Variants in NIPSNAP3A observed in about 807,000 individuals in gnomAD.
The protein encoded by NIPSNAP3A is nipsnap homolog 3A, also known as protein NipSnap homolog 3A.
A neutral mutation model predicts 32.3 loss-of-function variants in NIPSNAP3A; 27 were observed. The observed-to-expected ratio is 0.84, with a 90% CI of 0.62 to 1.15. The LOEUF is 1.15. Among genes scored for constraint, NIPSNAP3A ranks in the 50% most tolerant of loss-of-function variants. The pLI is 0.00. For synonymous variants in NIPSNAP3A, 108 were observed against 107.3 expected (o/e 1.01, Z -0.04); for missense variants, 278 against 297.2 (o/e 0.94, Z 0.48).
In NIPSNAP3A at chr9:104,748,099, A is replaced by C. The variant is rs373162936; in HGVS notation, c.60+247A>C. 1.1e-4 allele frequency among the ~76,000 whole-genome samples: 16 copies of C among 151,818 alleles called. No homozygotes were observed. The East Asian group carries it at 1.8e-3, about 17-fold the overall frequency. Reference sequence around the variant, plus strand: ...GGTCGTCTCGCGGGCAGTGGTGGTCAGAAGGCTTTTCTAGCCTGGATGCCA... The same window carrying C: ...GGTCGTCTCGCGGGCAGTGGTGGTCCGAAGGCTTTTCTAGCCTGGATGCCA... On this transcript the variant is annotated intron_variant, in intron 1 of 5. Transcript: ENST00000374767.
intron 4 of NIPSNAP3A, among the ~76,000 whole-genome samples, chr9:104,757,267 AT>A (rs1827917456): frequency 6.6e-6 from 1 of 152,170 alleles, no homozygotes; most frequent in African/African-American, 2.4e-5. Context: ...ATGTAAGTAC[AT>A]ATATATAAGA....
At chr9:104,747,909 G>A (rs1827795549) in intron 1 of NIPSNAP3A, 57 bp downstream of exon 1, 2 of 1,042,468 alleles carry the variant, frequency 1.9e-6, no homozygotes, top group Admixed American at 2.4e-5. Flanking sequence ...GGGCGGGGCG[G>A]GGAGTGTTCC....
chr9:104,749,794 A>G (rs1036792917), intron 1 of NIPSNAP3A, among the ~76,000 whole-genome samples: 2 of 152,224 alleles, frequency 1.3e-5, no homozygotes, highest in African/African-American at 4.8e-5. Context: ...CAGTGCGTGT[A>G]TGACTATTAC....
At chr9:104,750,892 G>C in intron 1 of NIPSNAP3A, 64 bp from the exon 2 acceptor site, 1 of 1,312,322 alleles carries the variant, frequency 7.6e-7, no homozygotes, top group Non-Finnish European at 1.1e-6. Flanking sequence ...TTCAGATTAG[G>C]TTTTAACACA....
At chr9:104,756,020 T>G (rs1198141331) in intron 4 of NIPSNAP3A, among the ~76,000 whole-genome samples, 4 of 152,196 alleles carry the variant, frequency 2.6e-5, no homozygotes, top group Non-Finnish European at 5.9e-5. Flanking sequence ...TATTATCTCT[T>G]TATGTCCAAT....
chr9:104,753,903 T>G (rs1300393446), intron 3 of NIPSNAP3A: 1 of 152,504 alleles, frequency 6.6e-6, no homozygotes, highest in African/African-American at 2.4e-5. Context: ...TGGAAATTTT[T>G]ACATGCTTTT....
chr9:104,753,744 T>G (rs1383499993), intron 3 of NIPSNAP3A: 6 of 152,424 alleles, frequency 3.9e-5, no homozygotes, highest in African/African-American at 1.4e-4. Context: ...AACTTTGTAG[T>G]GTATTTAGGT....
At chr9:104,757,119 C>T (rs1378142088) in intron 4 of NIPSNAP3A, among the ~76,000 whole-genome samples, 1 of 152,094 alleles carries the variant, frequency 6.6e-6, no homozygotes, top group African/African-American at 2.4e-5. Flanking sequence ...CTATACTGCA[C>T]ATATTAAGTT....
intron 4 of NIPSNAP3A, among the ~76,000 whole-genome samples, chr9:104,756,391 G>A (rs1040950308): frequency 6.6e-6 from 1 of 151,904 alleles, no homozygotes; most frequent in Non-Finnish European, 1.5e-5. Flanking sequence ...AAACTATCTG[G>A]ATGCCTGAAA....
intron 2 of NIPSNAP3A, 113 bp downstream of exon 2, chr9:104,751,279 T>A: frequency 1.1e-6 from 1 of 950,604 alleles, no homozygotes; most frequent in Non-Finnish European, 1.7e-6. Flanking sequence ...TTATTTTAGA[T>A]ACATACAGGT....
intron 4 of NIPSNAP3A, among the ~76,000 whole-genome samples, chr9:104,758,158 A>G (rs1404922370): frequency 5.9e-5 from 9 of 152,124 alleles, no homozygotes; most frequent in Non-Finnish European, 1.3e-4. Context: ...GGTTGACATA[A>G]TAAGTTGCTG....
rs1160217593 is a variant in NIPSNAP3A at position 104,751,135 on chromosome 9, A to T, written c.240A>T (p.Arg80Ser). The change falls in exon 2 of 6, where the codon AGA becomes AGT. Residue 80 changes from arginine (R) to serine (S), a missense_variant. Coordinates refer to ENST00000374767, the MANE Select transcript of NIPSNAP3A (RefSeq NM_015469.3). ...VGYWSVEFGG[R>S]MNTVFHIWKY... ...ACTGGAGTGTAGAATTTGGAGGCAG[A>T]ATGAATACAGTGTTTCATATTTGGA... is the stretch of plus-strand genomic sequence containing the variant. The T allele has an allele frequency of 6.2e-7, 1 of 1,613,690 alleles. No individual in the cohort carries two copies. Among genetic ancestry groups the T allele is most frequent in the East Asian group, 2.2e-5 (1 of 44,862 alleles).
chr9:104,747,843 G>A lies in NIPSNAP3A; in HGVS notation c.51G>A (p.Leu17=), dbSNP rs373799358. The A allele has an allele frequency of 1.0e-4, 164 of 1,608,198 alleles. 2 individuals are homozygous for A. In the Middle Eastern group the frequency reaches 2.2e-3, roughly 21 times the overall value. ...CTCGGGCGCTGGCCTCACGGACGCT[G>A]GCGCCTCAGGTACCGGCCACGGGGG... ...ALTRALASRT[L]APQMCSSFAT... The change falls in exon 1 of 6, where the codon CTG becomes CTA. Residue 17 remains leucine (L), a synonymous_variant. Coordinates refer to ENST00000374767, the MANE Select transcript of NIPSNAP3A (RefSeq NM_015469.3).
chr9:104,757,692 C>T (rs1308330986), intron 4 of NIPSNAP3A, among the ~76,000 whole-genome samples: 2 of 151,998 alleles, frequency 1.3e-5, no homozygotes, highest in Non-Finnish European at 2.9e-5. Flanking sequence ...TACGTCATAT[C>T]GTGTATTTAC....
chr9:104,752,868 T>A, intron 2 of NIPSNAP3A, 38 bp from the exon 3 acceptor site: 1 of 1,566,284 alleles, frequency 6.4e-7, no homozygotes, highest in Non-Finnish European at 8.8e-7. Context: ...GATTTAAAAT[T>A]GAATTTTTTA....
intron 4 of NIPSNAP3A, 72 bp from the exon 5 acceptor site, chr9:104,759,011 TGA>T: frequency 8.3e-7 from 1 of 1,210,430 alleles, no homozygotes; most frequent in Non-Finnish European, 1.2e-6. Context: ...AGGATGGGTT[TGA>T]TTCATTTTTC....
rs34457398 is a variant in NIPSNAP3A at position 104,758,971 on chromosome 9, CAAAAAAAAA to C, written c.581-97_581-89del. ...GGTGACAAGAGTGAAACTCTTGTTT[CAAAAAAAAA>C]AAAAAAAAAAAAAAAAGAATAGGAT... On this transcript the variant is annotated intron_variant, in intron 4 of 5. Transcript: ENST00000374767. 486 of 402,566 alleles carry C rather than the reference CAAAAAAAAA, an allele frequency of 1.2e-3. No homozygotes were observed. The African/African-American group carries it at 0.012, about 10-fold the overall frequency. The allele number at this position is 402,566 out of a possible 1,614,324, so 24.9% of individuals were successfully genotyped here. A position where few individuals can be genotyped will look rare whatever the true frequency, so the allele number is the denominator to read the frequency against.
At chr9:104,755,509 A>G (rs1165952924) in intron 4 of NIPSNAP3A, among the ~76,000 whole-genome samples, 1 of 152,062 alleles carries the variant, frequency 6.6e-6, no homozygotes, top group Admixed American at 6.6e-5. Context: ...ATATGGATAT[A>G]AATTTATTTA....
intron 2 of NIPSNAP3A, 28 bp downstream of exon 2, chr9:104,751,194 A>G (rs1212669383): frequency 6.4e-7 from 1 of 1,570,384 alleles, no homozygotes; most frequent in Non-Finnish European, 8.8e-7. Flanking sequence ...TTTGGCTTTC[A>G]GTATAGATTT....
Sources: gnomAD v4.1 joint callset for allele counts (sites outside exome capture counted in the v4.1 genomes callset) on GRCh38, gnomAD v4.1.1 for gene constraint, MANE v1.5 for transcripts, NCBI Gene and HGNC (gene_info 2026-07-23, HGNC 2026-07-21) for gene names.